COL15A1: variants seen among roughly 807,000 people sequenced by gnomAD.
The protein encoded by COL15A1 is collagen type XV alpha 1 chain.
Under a neutral mutation model 165.9 loss-of-function variants are expected in COL15A1, and 111 were observed. The ratio of observed to expected loss-of-function variants is 0.67; its 90% CI spans 0.57 to 0.78. The LOEUF is 0.78. Ranked by LOEUF, COL15A1 falls within the 30% of genes least tolerant of loss-of-function variation. The probability of loss-of-function intolerance (pLI) is 0.00; values close to 1 mark genes in which losing one functional copy is unlikely to be tolerated. For synonymous variants in COL15A1, 659 were observed against 674.8 expected (o/e 0.98, Z 0.36); for missense variants, 1,745 against 1,789.7 (o/e 0.98, Z 0.45).
rs559182913 is a variant in COL15A1, at chr9:99,068,172, C to T, written c.3838-383C>T. ...GAGGTGGCATCTGGGCCTTGAAGAG[C>T]GAGTAAAAATCGGCCAAGTGTGGTG... On this transcript the variant is annotated intron_variant, in intron 40 of 41. Coordinates refer to ENST00000375001, the MANE Select transcript of COL15A1 (RefSeq NM_001855.5). Among the ~76,000 whole-genome samples the T allele has an allele frequency of 9.9e-5, 15 of 152,182 alleles. No individual in the cohort carries two copies. In the South Asian group the frequency reaches 2.7e-3, roughly 27 times the overall value.
intron 26 of COL15A1, among the ~76,000 whole-genome samples, chr9:99,046,744 C>A (rs1041068427): frequency 1.3e-5 from 2 of 152,164 alleles, no homozygotes; most frequent in Non-Finnish European, 2.9e-5. Flanking sequence ...CCATGACATG[C>A]GGGGGTTGTG....
intron 9 of COL15A1, among the ~76,000 whole-genome samples, chr9:99,013,551 A>G (rs1471214235): frequency 2.7e-5 from 2 of 75,318 alleles, no homozygotes; most frequent in African/African-American, 1.1e-4. Flanking sequence ...TTCCTAGGAG[A>G]AAAAAAAAAA....
rs1564093560 is a variant in COL15A1 at position 99,060,247 on chromosome 9, TATA to T, written c.3402+295_3402+297del. ...ACTTATATATTTTTATATATATATA[TATA>T]TATATATTTTTTTTTTGCTGGATGA... is the stretch of plus-strand genomic sequence containing the variant. On this transcript the variant is annotated intron_variant, in intron 36 of 41. Transcript: ENST00000375001. 3.4e-3 allele frequency among the ~76,000 whole-genome samples: 429 copies of T among 125,036 alleles called. 3 individuals are homozygous for T. Among genetic ancestry groups the T allele is most frequent in the South Asian group, 0.011 (35 of 3,286 alleles). The allele number at this position is 125,036 out of a possible 152,430, so 82.0% of individuals were successfully genotyped here.
intron 2 of COL15A1, among the ~76,000 whole-genome samples, chr9:98,964,598 T>G (rs1837925385): frequency 6.6e-6 from 1 of 152,226 alleles, no homozygotes; most frequent in African/African-American, 2.4e-5. Flanking sequence ...TCATTGCATG[T>G]GAACCACAGG....
chr9:99,000,717 C>A, intron 6 of COL15A1, 122 bp from the exon 7 acceptor site: 1 of 654,718 alleles, frequency 1.5e-6, no homozygotes, highest in Non-Finnish European at 2.7e-6. Flanking sequence ...TGTTTTTTCC[C>A]CCTCTTGACC....
At chr9:99,053,763 A>G (rs766717594) in intron 31 of COL15A1, among the ~76,000 whole-genome samples, 11 of 152,124 alleles carry the variant, frequency 7.2e-5, no homozygotes, top group Non-Finnish European at 8.8e-5. Context: ...TGTGATGCTC[A>G]TATTCCCTCC....
intron 2 of COL15A1, among the ~76,000 whole-genome samples, chr9:98,958,746 A>T: frequency 6.6e-6 from 1 of 152,088 alleles, no homozygotes; most frequent in Non-Finnish European, 1.5e-5. Context: ...GGCGGAGGGA[A>T]GTTCTCTAAG....
chr9:99,040,663 G>T (rs568697320), intron 23 of COL15A1, 107 bp downstream of exon 23: 8 of 1,585,162 alleles, frequency 5.0e-6, no homozygotes, highest in Admixed American at 1.7e-5. Context: ...TGAGCTCCAG[G>T]GGCATCTTGT....
rs187363872 is a variant in COL15A1 at position 98,984,843 on chromosome 9, G to A, written c.101-722G>A. 3.7e-3 allele frequency among the ~76,000 whole-genome samples: 564 copies of A among 152,298 alleles called. 4 individuals carry two copies. The highest frequency in any genetic ancestry group is 0.01 in the Admixed American group (154 of 15,306). On this transcript the variant is annotated intron_variant, in intron 2 of 41. Transcript: ENST00000375001. ...CTCTCCCTCTGTCACTGAGGCTGGAGTGCTGTGGTGCGATCTCAGCTCACT... is the reference window on the plus strand; with the variant it reads ...CTCTCCCTCTGTCACTGAGGCTGGAATGCTGTGGTGCGATCTCAGCTCACT...
chr9:98,974,176 G>A (rs554596205), intron 2 of COL15A1, among the ~76,000 whole-genome samples: 4 of 152,276 alleles, frequency 2.6e-5, no homozygotes, highest in African/African-American at 9.6e-5. Context: ...AAGGACTTCC[G>A]AAGACTTCGA....
At chr9:99,023,241 T>C in intron 13 of COL15A1, 116 bp from the exon 14 acceptor site, 1 of 1,277,744 alleles carries the variant, frequency 7.8e-7, no homozygotes, top group Non-Finnish European at 1.0e-6. Flanking sequence ...GGAGCAGAAG[T>C]TATCGGGCTA....
chr9:98,954,692 C>A (rs528678294), intron 2 of COL15A1, among the ~76,000 whole-genome samples: 1 of 152,324 alleles, frequency 6.6e-6, no homozygotes, highest in South Asian at 2.1e-4. Flanking sequence ...ATAGTTGGGT[C>A]TAGTGCATGC....
At chr9:99,030,096 G>A (rs1274387139) in intron 16 of COL15A1, among the ~76,000 whole-genome samples, 1 of 152,188 alleles carries the variant, frequency 6.6e-6, no homozygotes, top group Non-Finnish European at 1.5e-5. Flanking sequence ...TAGGTTCTTT[G>A]AGGTTCCTGT....
chr9:98,947,214 TA>T (rs1837601686), intron 2 of COL15A1, among the ~76,000 whole-genome samples: 1 of 152,050 alleles, frequency 6.6e-6, no homozygotes, highest in Non-Finnish European at 1.5e-5. Flanking sequence ...TACTCAGCAA[TA>T]AAAAGGAATG....
chr9:99,016,542 C>G (rs113347191), intron 11 of COL15A1, among the ~76,000 whole-genome samples: 3,056 of 152,252 alleles, frequency 0.02, 111 homozygotes, highest in African/African-American at 0.07. Context: ...TAAGCAAATC[C>G]GTTGATTTCT....
At chr9:99,050,758 T>TA (rs1228908871) in intron 30 of COL15A1, among the ~76,000 whole-genome samples, 5 of 152,238 alleles carry the variant, frequency 3.3e-5, no homozygotes, top group African/African-American at 1.2e-4. Flanking sequence ...GCTTGCAAAT[T>TA]ACAATTTAGA....
chr9:99,015,654 G>T, intron 10 of COL15A1, 88 bp downstream of exon 10: 4 of 1,288,186 alleles, frequency 3.1e-6, no homozygotes, highest in Non-Finnish European at 4.4e-6. Context: ...CTTGGCAGGG[G>T]CACCTGTAGC....
intron 19 of COL15A1, 82 bp downstream of exon 19, chr9:99,035,500 T>C: frequency 6.4e-7 from 1 of 1,562,068 alleles, no homozygotes. Flanking sequence ...GCATCCCGGC[T>C]CTGCCACTTT....
chr9:99,049,897 T>G lies in COL15A1; in HGVS notation c.2904+2T>G. ...GTCCGACCACACTGCAAAATGCCAG[T>G]AAGTAGCAATCACTGCCTTAAAGAG... On this transcript the variant is annotated splice_donor_variant, in intron 30 of 41. Coordinates refer to ENST00000375001, the MANE Select transcript of COL15A1 (RefSeq NM_001855.5). LOFTEE classifies it high-confidence loss of function. 1 of 1,614,228 alleles carries G rather than the reference T, an allele frequency of 6.2e-7. No homozygotes were observed. The highest frequency in any genetic ancestry group is 1.1e-5 in the South Asian group (1 of 91,086).
Sources: allele counts gnomAD v4.1 joint callset (sites outside exome capture counted in the v4.1 genomes callset), GRCh38; gene constraint gnomAD v4.1.1; transcripts MANE v1.5; gene names NCBI Gene and HGNC (gene_info 2026-07-23, HGNC 2026-07-21).